CHST8: variants seen among roughly 807,000 people sequenced by gnomAD.
CHST8 encodes the protein GALNAC-4-ST1.
A neutral mutation model predicts 15.0 loss-of-function variants in CHST8; 10 were observed. The observed-to-expected ratio is 0.67, with a 90% CI of 0.41 to 1.13. CHST8 has a LOEUF of 1.13. CHST8 is among the 50% of genes most tolerant of loss of function. The probability of loss-of-function intolerance (pLI) is 0.00; values close to 1 mark genes in which losing one functional copy is unlikely to be tolerated. For missense variants in CHST8, 634 were observed against 608.2 expected, an observed-to-expected ratio of 1.04 and a Z score of -0.45; for synonymous variants, 259 against 256.6, an observed-to-expected ratio of 1.01 and a Z score of -0.09.
At chr19:33,707,331 C>T (rs1955795981) in intron 3 of CHST8, among the ~76,000 whole-genome samples, 1 of 152,076 alleles carries the variant, frequency 6.6e-6, no homozygotes, top group Admixed American at 6.5e-5. Context: ...TGGGATTACA[C>T]GCATGAGCCA....
At chr19:33,754,379 T>C (rs1201701974) in intron 3 of CHST8, among the ~76,000 whole-genome samples, 1 of 151,882 alleles carries the variant, frequency 6.6e-6, no homozygotes, top group Non-Finnish European at 1.5e-5. Context: ...CACTCTAGGC[T>C]GCGGGGCTCT....
At chr19:33,649,632 G>T (rs893828051) in intron 1 of CHST8, among the ~76,000 whole-genome samples, 10 of 152,174 alleles carry the variant, frequency 6.6e-5, no homozygotes, top group Admixed American at 6.5e-4. Context: ...TGTTTACCTT[G>T]TTTACCTTAG....
chr19:33,765,723 A>G (rs1309287649), intron 3 of CHST8, among the ~76,000 whole-genome samples: 1 of 152,006 alleles, frequency 6.6e-6, no homozygotes, highest in Admixed American at 6.5e-5. Context: ...CACCATGCCC[A>G]GCTAATTTTT....
intron 2 of CHST8, among the ~76,000 whole-genome samples, chr19:33,676,647 G>A (rs193216386): frequency 1.3e-4 from 20 of 151,984 alleles, no homozygotes; most frequent in African/African-American, 1.9e-4. Flanking sequence ...AGGCTGAGGC[G>A]GAAGGATTGC....
intron 3 of CHST8, among the ~76,000 whole-genome samples, chr19:33,764,582 C>T (rs972420415): frequency 2.0e-5 from 3 of 152,184 alleles, no homozygotes; most frequent in Non-Finnish European, 4.4e-5. Context: ...ATTGGGTGCC[C>T]GCCCCACCCT....
Position 33,772,724 on chromosome 19 carries a change from C to T in CHST8, c.936C>T (p.Val312=), listed in dbSNP as rs1975028238. Residue 312 remains valine (V), a synonymous_variant, in exon 5 of 5, where the codon GTC becomes GTT. Coordinates refer to ENST00000650847, the MANE Select transcript of CHST8 (RefSeq NM_001127895.2). The part of the protein sequence containing the change: ...TGSGVRFPEF[V]QYLLDVHRPV... ...CTGGGGTGCGTTTTCCCGAGTTCGT[C>T]CAGTACCTGCTGGACGTGCACCGGC... 2 of 1,613,398 alleles carry T rather than the reference C, an allele frequency of 1.2e-6. No individual in the cohort carries two copies. Among genetic ancestry groups the T allele is most frequent in the Non-Finnish European group, 1.7e-6 (2 of 1,179,990 alleles).
intron 3 of CHST8, among the ~76,000 whole-genome samples, chr19:33,719,475 G>A (rs1472864493): frequency 1.3e-5 from 2 of 152,154 alleles, no homozygotes; most frequent in African/African-American, 2.4e-5. Context: ...AGGCAGACAC[G>A]AAGTCCAAAG....
chr19:33,710,488 G>A (rs1973527805), intron 3 of CHST8, among the ~76,000 whole-genome samples: 1 of 152,014 alleles, frequency 6.6e-6, no homozygotes, highest in African/African-American at 2.4e-5. Context: ...ATTGATTTGA[G>A]ATTCTTCTTT....
intron 3 of CHST8, among the ~76,000 whole-genome samples, chr19:33,768,365 A>G (rs1020144088): frequency 1.6e-4 from 25 of 152,176 alleles, no homozygotes; most frequent in African/African-American, 4.8e-4. Flanking sequence ...TCTTGAGGCC[A>G]GGTGTTTGAG....
chr19:33,698,429 T>C (rs1973267251), intron 3 of CHST8, among the ~76,000 whole-genome samples: 1 of 148,696 alleles, frequency 6.7e-6, no homozygotes, highest in South Asian at 2.1e-4. Flanking sequence ...GAAAGAAAGC[T>C]CATTCTGGTG....
intron 3 of CHST8, among the ~76,000 whole-genome samples, chr19:33,693,134 G>C (rs1973131059): frequency 6.6e-6 from 1 of 151,608 alleles, no homozygotes; most frequent in South Asian, 2.1e-4. Flanking sequence ...AGCCTCTCGA[G>C]TAGCTGGGAT....
intron 1 of CHST8, among the ~76,000 whole-genome samples, chr19:33,638,682 G>A (rs138756639): frequency 2.0e-5 from 3 of 152,244 alleles, no homozygotes; most frequent in African/African-American, 7.2e-5. Flanking sequence ...GGGAGTTAAG[G>A]CTTCATCCTG....
intron 3 of CHST8, among the ~76,000 whole-genome samples, chr19:33,700,392 T>C (rs1973308118): frequency 6.6e-6 from 1 of 152,204 alleles, no homozygotes; most frequent in Non-Finnish European, 1.5e-5. Context: ...TTCTAAACAA[T>C]GCACCTGCAG....
intron 3 of CHST8, among the ~76,000 whole-genome samples, chr19:33,712,384 G>A (rs1458340167): frequency 6.6e-6 from 1 of 152,158 alleles, no homozygotes; most frequent in African/African-American, 2.4e-5. Flanking sequence ...GGACAAGCGG[G>A]GGCTGTGGGA....
intron 3 of CHST8, among the ~76,000 whole-genome samples, chr19:33,754,437 G>T (rs1322944529): frequency 6.6e-6 from 1 of 152,050 alleles, no homozygotes; most frequent in East Asian, 1.9e-4. Context: ...GCAGGATGAG[G>T]GACTGTTCTG....
intron 2 of CHST8, among the ~76,000 whole-genome samples, chr19:33,688,233 G>T (rs1004542478): frequency 6.6e-6 from 1 of 152,240 alleles, no homozygotes; most frequent in Non-Finnish European, 1.5e-5. Flanking sequence ...GCCTTGGGGT[G>T]CCCCCATCTC....
At position 33,692,540 on chromosome 19, in the gene CHST8, A is replaced by T. The variant is rs760615659; in HGVS notation, c.130+3149A>T. 5.3e-5 allele frequency among the ~76,000 whole-genome samples: 8 copies of T among 152,188 alleles called. No individual in the cohort carries two copies. In the East Asian group the frequency reaches 5.8e-4, roughly 11 times the overall value. On this transcript the variant is annotated intron_variant, in intron 3 of 4. Coordinates refer to ENST00000650847, the MANE Select transcript of CHST8 (RefSeq NM_001127895.2). Reference sequence around the variant, plus strand: ...TAGCAAGACCCTGTCTCTACAAAAAAAAATAAATAAAATTAGCTGAGTGTA... The same window carrying T: ...TAGCAAGACCCTGTCTCTACAAAAATAAATAAATAAAATTAGCTGAGTGTA...
intron 1 of CHST8, among the ~76,000 whole-genome samples, chr19:33,644,756 T>C (rs1972328535): frequency 1.3e-5 from 2 of 151,900 alleles, no homozygotes; most frequent in Admixed American, 1.3e-4. Flanking sequence ...AAATAAAAAA[T>C]AAATGAATTA....
rs181964099 is a variant in CHST8 at position 33,693,488 on chromosome 19, A to T, written c.130+4097A>T. 1.3e-4 allele frequency among the ~76,000 whole-genome samples: 20 copies of T among 152,314 alleles called. No individual in the cohort carries two copies. The East Asian group carries it at 3.7e-3, about 28-fold the overall frequency. On this transcript the variant is annotated intron_variant, in intron 3 of 4. Transcript: ENST00000650847. ...ATTACCTTTATTTCCAATTTGTTCC[A>T]TCCAATATCCAGAAAAGGCCCTCAC...
Sources: allele counts gnomAD v4.1 joint callset (sites outside exome capture counted in the v4.1 genomes callset), GRCh38; gene constraint gnomAD v4.1.1; transcripts MANE v1.5; gene names NCBI Gene and HGNC (gene_info 2026-07-23, HGNC 2026-07-21).